The following GNAQ variants were observed in gnomAD, a reference collection of about 807,000 sequenced individuals.
The protein encoded by GNAQ is guanine nucleotide-binding protein G(q) subunit alpha.
A neutral mutation model predicts 43.9 loss-of-function variants in GNAQ; 8 were observed. The observed-to-expected ratio is 0.18, with a 90% CI of 0.11 to 0.33. The LOEUF (loss-of-function observed/expected upper bound fraction) is 0.33. Ranked by LOEUF, GNAQ falls within the 10% of genes least tolerant of loss-of-function variation. The pLI is 1.00. For synonymous variants in GNAQ, 155 were observed against 170.7 expected (o/e 0.91, Z 0.71); for missense variants, 158 against 450.8 (o/e 0.35, Z 5.88).
chr9:77,808,259 A>T (rs1277906736), intron 3 of GNAQ, among the ~76,000 whole-genome samples: 1 of 151,888 alleles, frequency 6.6e-6, no homozygotes, highest in East Asian at 1.9e-4. Flanking sequence ...AAGCATACCT[A>T]AGCCTTATCT....
intron 6 of GNAQ, among the ~76,000 whole-genome samples, chr9:77,725,390 A>G (rs1483197511): frequency 6.6e-6 from 1 of 152,152 alleles, no homozygotes; most frequent in Non-Finnish European, 1.5e-5. Context: ...TACTATAAAC[A>G]TGCTTATTAC....
intron 3 of GNAQ, among the ~76,000 whole-genome samples, chr9:77,798,616 G>GCTCA (rs1826695805): frequency 6.6e-6 from 1 of 152,176 alleles, no homozygotes; most frequent in Non-Finnish European, 1.5e-5. Flanking sequence ...ATCCCTGGAT[G>GCTCA]CTCAAGTCCT....
chr9:77,925,630 T>C (rs562530583), intron 1 of GNAQ, among the ~76,000 whole-genome samples: 1 of 152,350 alleles, frequency 6.6e-6, no homozygotes, highest in African/African-American at 2.4e-5. Flanking sequence ...TGTTCACATT[T>C]TCATTTTATT....
At chr9:77,986,760 C>T (rs565009107) in intron 1 of GNAQ, among the ~76,000 whole-genome samples, 3 of 151,302 alleles carry the variant, frequency 2.0e-5, no homozygotes, top group African/African-American at 7.3e-5. Flanking sequence ...ACCTTGGCCT[C>T]CCAAAGTGCT....
intron 1 of GNAQ, among the ~76,000 whole-genome samples, chr9:77,969,704 A>G (rs891018109): frequency 6.6e-6 from 1 of 152,236 alleles, no homozygotes; most frequent in Non-Finnish European, 1.5e-5. Flanking sequence ...ACAGTTCAAC[A>G]CTATGGATTT....
intron 2 of GNAQ, 128 bp downstream of exon 2, chr9:77,922,033 G>T: frequency 2.0e-6 from 1 of 502,870 alleles, no homozygotes; most frequent in Non-Finnish European, 3.5e-6. Context: ...ATTTATGATG[G>T]GATGGAAAAT....
At chr9:78,004,946 G>C (rs1348797932) in intron 1 of GNAQ, among the ~76,000 whole-genome samples, 1 of 152,116 alleles carries the variant, frequency 6.6e-6, no homozygotes, top group African/African-American at 2.4e-5. Context: ...AATAAGGCTA[G>C]AAGAGGGGGT....
intron 2 of GNAQ, among the ~76,000 whole-genome samples, chr9:77,816,383 C>T (rs1346312974): frequency 1.3e-5 from 2 of 152,142 alleles, no homozygotes; most frequent in Non-Finnish European, 2.9e-5. Flanking sequence ...TTGTATCTGC[C>T]TTATCTATAT....
chr9:77,748,152 T>C (rs1825758681), intron 5 of GNAQ, among the ~76,000 whole-genome samples: 1 of 152,178 alleles, frequency 6.6e-6, no homozygotes, highest in African/African-American at 2.4e-5. Flanking sequence ...TGAAATAAAA[T>C]CCAGTGAAAG....
At chr9:78,009,702 G>A in intron 1 of GNAQ, among the ~76,000 whole-genome samples, 1 of 152,228 alleles carries the variant, frequency 6.6e-6, no homozygotes, top group South Asian at 2.1e-4. Flanking sequence ...TTTAGAGAAT[G>A]AACAGGGTAG....
Position 77,863,212 on chromosome 9 carries a change from AAGGAAGGG to A in GNAQ, c.322-47450_322-47443del, listed in dbSNP as rs1480278295. 1.7e-3 allele frequency among the ~76,000 whole-genome samples: 243 copies of A among 145,850 alleles called. 1 individual carries two copies. Among genetic ancestry groups the A allele is most frequent in the African/African-American group, 4.7e-3 (171 of 36,012 alleles). ...GAAGGAAGGAAGGAAGGAAGGAAGG[AAGGAAGGG>A]AGGAAGGAAGAAAGGAAGGAAGGAA... On this transcript the variant is annotated intron_variant, in intron 2 of 6. Coordinates refer to ENST00000286548, the MANE Select transcript of GNAQ (RefSeq NM_002072.5).
chr9:77,946,234 A>G (rs1234771471), intron 1 of GNAQ, among the ~76,000 whole-genome samples: 1 of 152,184 alleles, frequency 6.6e-6, no homozygotes, highest in Non-Finnish European at 1.5e-5. Context: ...ATGTGTCCAG[A>G]AAAAGGGTTC....
intron 1 of GNAQ, among the ~76,000 whole-genome samples, chr9:78,016,051 T>A (rs1198748401): frequency 6.6e-6 from 1 of 152,030 alleles, no homozygotes; most frequent in East Asian, 1.9e-4. Flanking sequence ...AACTGGATAT[T>A]CACACGCAAA....
chr9:77,800,114 C>T (rs1826718770), intron 3 of GNAQ, among the ~76,000 whole-genome samples: 2 of 152,118 alleles, frequency 1.3e-5, no homozygotes, highest in South Asian at 4.1e-4. Flanking sequence ...AACACTTTTA[C>T]ACTGTTGGTG....
At chr9:77,960,782 AT>A (rs140489691) in intron 1 of GNAQ, among the ~76,000 whole-genome samples, 19,815 of 152,188 alleles carry the variant, frequency 0.13, 1,521 homozygotes, top group East Asian at 0.32. Context: ...CCTAAAAAAA[AT>A]GATCTATTCA....
chr9:77,812,917 T>C (rs1161195395), intron 3 of GNAQ, among the ~76,000 whole-genome samples: 3 of 151,860 alleles, frequency 2.0e-5, no homozygotes, highest in African/African-American at 7.3e-5. Flanking sequence ...TTTATTTTTT[T>C]TTGGAGATGG....
chr9:77,898,654 T>TGGAA (rs1250568900), intron 2 of GNAQ, among the ~76,000 whole-genome samples: 3 of 145,118 alleles, frequency 2.1e-5, no homozygotes, highest in Non-Finnish European at 4.6e-5. Context: ...GATGGACAGA[T>TGGAA]GGAAGAACAA....
chr9:77,869,399 T>C (rs748940078), intron 2 of GNAQ, among the ~76,000 whole-genome samples: 1 of 152,228 alleles, frequency 6.6e-6, no homozygotes, highest in Non-Finnish European at 1.5e-5. Context: ...CACGGTTTCC[T>C]ACGCTTACTG....
At chr9:77,864,640 C>T (rs572806344) in intron 2 of GNAQ, among the ~76,000 whole-genome samples, 1 of 152,322 alleles carries the variant, frequency 6.6e-6, no homozygotes, top group East Asian at 1.9e-4. Flanking sequence ...AAAACGGACA[C>T]TCCCCTAGAG....
Sources: gnomAD v4.1 joint callset for allele counts (sites outside exome capture counted in the v4.1 genomes callset) on GRCh38, gnomAD v4.1.1 for gene constraint, MANE v1.5 for transcripts, NCBI Gene and HGNC (gene_info 2026-07-23, HGNC 2026-07-21) for gene names.